DMD: variants seen among roughly 807,000 people sequenced by gnomAD.
DMD encodes the protein dystrophin, also known as mutant dystrophin.
In DMD, 63 loss-of-function variants were observed where a neutral mutation model predicts 330.1. The observed-to-expected ratio is 0.19, with a 90% CI of 0.16 to 0.24. The LOEUF is 0.24. DMD is among the 10% of genes least tolerant of loss of function. The probability of loss-of-function intolerance (pLI) is 1.00; values close to 1 mark genes in which losing one functional copy is unlikely to be tolerated. For missense variants in DMD, 3,344 were observed against 2,684.1 expected, an observed-to-expected ratio of 1.25 and a Z score of -5.43; for synonymous variants, 1,223 against 959.8, an observed-to-expected ratio of 1.27 and a Z score of -5.07.
intron 17 of DMD, among the ~76,000 whole-genome samples, chrX:32,536,094 AT>A (rs1483073920): frequency 1.2e-4 from 13 of 109,694 alleles, no homozygotes; most frequent in African/African-American, 4.3e-4. Context: ...GTGAAACCCC[AT>A]CTCTACTAAA....
At chrX:33,020,633 C>A (rs1359278529) in intron 1 of DMD, among the ~76,000 whole-genome samples, 1 of 111,799 alleles carries the variant, frequency 8.9e-6, no homozygotes, top group Non-Finnish European at 1.9e-5. Context: ...GAGATCATGG[C>A]ACTGCACTCC....
intron 7 of DMD, among the ~76,000 whole-genome samples, chrX:32,758,820 C>T (rs1361334484): frequency 1.8e-5 from 2 of 111,657 alleles, no homozygotes; most frequent in Non-Finnish European, 3.8e-5. Flanking sequence ...GGGCCATGTG[C>T]TCCGCAGCAT....
intron 48 of DMD, among the ~76,000 whole-genome samples, chrX:31,854,818 C>T (rs777974875): frequency 5.7e-4 from 64 of 111,434 alleles, no homozygotes; most frequent in African/African-American, 2.0e-3. Flanking sequence ...CCATTTGGGA[C>T]TGGATAATTA....
At chrX:32,907,754 A>G (rs1470717878) in intron 2 of DMD, among the ~76,000 whole-genome samples, 1 of 112,441 alleles carries the variant, frequency 8.9e-6, no homozygotes, top group African/African-American at 3.2e-5. Context: ...AATAGTAATT[A>G]AATGACAAAA....
At chrX:32,550,632 C>T (rs2049450466) in intron 16 of DMD, among the ~76,000 whole-genome samples, 1 of 109,783 alleles carries the variant, frequency 9.1e-6, no homozygotes, top group Admixed American at 9.8e-5. Context: ...TAACCAAAAT[C>T]GGAGCTGAAC....
intron 64 of DMD, among the ~76,000 whole-genome samples, chrX:31,221,950 T>C (rs1369378158): frequency 3.6e-5 from 4 of 110,803 alleles, no homozygotes; most frequent in African/African-American, 9.9e-5. Flanking sequence ...CCCAGCACTT[T>C]GGGAGGCCGA....
intron 9 of DMD, among the ~76,000 whole-genome samples, chrX:32,653,002 T>C (rs1261997019): frequency 6.3e-5 from 7 of 111,796 alleles, no homozygotes; most frequent in African/African-American, 2.3e-4. Flanking sequence ...CACTTTTTGA[T>C]AGGGTTGTTT....
intron 7 of DMD, among the ~76,000 whole-genome samples, chrX:32,772,346 T>C (rs1023384349): frequency 2.7e-5 from 3 of 112,576 alleles, no homozygotes; most frequent in African/African-American, 9.7e-5. Flanking sequence ...TTTCCTAACC[T>C]TTTCTTTCTA....
chrX:31,370,096 C>T (rs1240724501), intron 60 of DMD, among the ~76,000 whole-genome samples: 2 of 51,734 alleles, frequency 3.9e-5, no homozygotes, highest in Non-Finnish European at 7.9e-5. Context: ...GAGGCTCCGT[C>T]TCAAAAAAAA....
intron 2 of DMD, among the ~76,000 whole-genome samples, chrX:32,884,768 G>C (rs1015702706): frequency 2.7e-5 from 3 of 111,692 alleles, no homozygotes; most frequent in African/African-American, 9.8e-5. Context: ...AAATCATTAA[G>C]GGACTCATCA....
At chrX:33,115,830 C>G (rs1569555512) in intron 1 of DMD, among the ~76,000 whole-genome samples, 2 of 109,888 alleles carry the variant, frequency 1.8e-5, no homozygotes, top group Admixed American at 9.8e-5. Context: ...TTTCTATGAA[C>G]ACAGTATTAC....
intron 77 of DMD, among the ~76,000 whole-genome samples, chrX:31,129,950 G>A (rs1012705568): frequency 9.0e-6 from 1 of 111,718 alleles, no homozygotes; most frequent in African/African-American, 3.3e-5. Context: ...TTTGAGAGGG[G>A]ATGGTATGAA....
At chrX:31,998,442 A>G (rs1253763491) in intron 44 of DMD, among the ~76,000 whole-genome samples, 1 of 112,301 alleles carries the variant, frequency 8.9e-6, no homozygotes, top group Non-Finnish European at 1.9e-5. Context: ...ACGGCCTGAC[A>G]GATGAAGTTA....
At chrX:32,480,606 T>C (rs73451788) in intron 21 of DMD, among the ~76,000 whole-genome samples, 3,424 of 111,576 alleles carry the variant, frequency 0.031, 127 homozygotes, top group African/African-American at 0.1. Context: ...TCTGTGTGTG[T>C]ACATACACAG....
chrX:32,772,558 G>A (rs934445895), intron 7 of DMD, among the ~76,000 whole-genome samples: 4 of 111,957 alleles, frequency 3.6e-5, no homozygotes, highest in African/African-American at 1.3e-4. Context: ...TCACACATCT[G>A]GTAGGTAGCA....
intron 41 of DMD, 137 bp from the exon 42 acceptor site, chrX:32,310,413 C>A: frequency 2.0e-6 from 1 of 508,815 alleles, no homozygotes; most frequent in Admixed American, 3.2e-5. Context: ...CAAAACCTCA[C>A]GATGGTAAGT....
chrX:32,224,215 G>T lies in DMD; in HGVS notation c.6291-7152C>A, dbSNP rs138237966. Among the ~76,000 whole-genome samples the T allele has an allele frequency of 5.6e-3, 623 of 111,121 alleles. 4 individuals are homozygous for T. Among genetic ancestry groups the T allele is most frequent in the African/African-American group, 0.02 (599 of 30,656 alleles). ...ATGTATAGATGTTATTAATATACAAGGTAGTCCACTTTATTATTTTTATTC... is the reference window on the plus strand; with the variant it reads ...ATGTATAGATGTTATTAATATACAATGTAGTCCACTTTATTATTTTTATTC... On this transcript the variant is annotated intron_variant, in intron 43 of 78. Transcript: ENST00000357033.
At chrX:31,408,612 T>A (rs1222246509) in intron 60 of DMD, among the ~76,000 whole-genome samples, 1 of 111,337 alleles carries the variant, frequency 9.0e-6, no homozygotes, top group Non-Finnish European at 1.9e-5. Flanking sequence ...TTGGCCAGGC[T>A]GGTCTCGAAG....
At chrX:31,677,414 G>A (rs1036350198) in intron 53 of DMD, among the ~76,000 whole-genome samples, 4 of 111,498 alleles carry the variant, frequency 3.6e-5, no homozygotes, top group Admixed American at 9.5e-5. Flanking sequence ...TCCAAACTTC[G>A]TATTTTCTGC....
Sources: gnomAD v4.1 joint callset for allele counts (sites outside exome capture counted in the v4.1 genomes callset) on GRCh38, gnomAD v4.1.1 for gene constraint, MANE v1.5 for transcripts, NCBI Gene and HGNC (gene_info 2026-07-23, HGNC 2026-07-21) for gene names.